Variants in DNAH17 observed in about 807,000 individuals in gnomAD.
DNAH17 encodes dynein axonemal heavy chain 17.
In DNAH17, 376 loss-of-function variants were observed where a neutral mutation model predicts 485.6. That is an observed-to-expected ratio of 0.77 (90% CI 0.71 to 0.84). DNAH17 has a LOEUF of 0.84. Ranked by LOEUF, DNAH17 falls within the 40% of genes least tolerant of loss-of-function variation. The pLI is 0.00. For missense variants in DNAH17, 6,370 were observed against 5,839.3 expected, an observed-to-expected ratio of 1.09 and a Z score of -2.96; for synonymous variants, 3,031 against 2,405.9, an observed-to-expected ratio of 1.26 and a Z score of -7.60.
At chr17:78,537,577 C>G in intron 18 of DNAH17, 96 bp from the exon 19 acceptor site, 1 of 1,320,500 alleles carries the variant, frequency 7.6e-7, no homozygotes, top group Non-Finnish European at 1.0e-6. Context: ...ATCAATGTGT[C>G]ACTGCCTTCC....
chr17:78,444,541 C>T (rs1001816947), intron 71 of DNAH17, 63 bp downstream of exon 71: 44 of 1,456,328 alleles, frequency 3.0e-5, no homozygotes, highest in Non-Finnish European at 3.8e-5. Flanking sequence ...CACAGCCGCT[C>T]GGTCAAGCTT....
At position 78,476,614 on chromosome 17, in the gene DNAH17, T is replaced by C. The variant is rs548947199; in HGVS notation, c.8112A>G (p.Thr2704=). 6 of 1,611,770 alleles carry C rather than the reference T, an allele frequency of 3.7e-6. No homozygotes were observed. The highest frequency in any genetic ancestry group is 1.3e-5 in the African/African-American group (1 of 75,032). The change falls in exon 52 of 81, where the codon ACA becomes ACG. Residue 2704 remains threonine, a synonymous_variant. Transcript: ENST00000389840. The stretch of plus-strand genomic sequence containing the variant: ...TGGAGGCCATGGTGACTCTATGCAA[T>C]GTTTCCTGGTCTTTTTCGTCAACCA... ...DKMVDEKDQE[T]LHRVTMASTK...
chr17:78,511,837 G>T (rs1019284565), intron 26 of DNAH17, among the ~76,000 whole-genome samples: 1 of 152,208 alleles, frequency 6.6e-6, no homozygotes, highest in Admixed American at 6.5e-5. Context: ...CACCGCCCAA[G>T]CGTCTCTCCC....
chr17:78,457,040 C>T (rs763652452), intron 62 of DNAH17, among the ~76,000 whole-genome samples: 3 of 152,210 alleles, frequency 2.0e-5, no homozygotes, highest in Non-Finnish European at 4.4e-5. Context: ...AACACTGGGA[C>T]CACGGCAGGT....
chr17:78,426,786 C>T, intron 78 of DNAH17, 140 bp downstream of exon 78: 1 of 1,292,926 alleles, frequency 7.7e-7, no homozygotes, highest in Non-Finnish European at 1.1e-6. Flanking sequence ...GGGGCTTGTT[C>T]TGGAACTGCC....
intron 17 of DNAH17, 59 bp downstream of exon 17, chr17:78,543,798 T>C (rs777258562): frequency 2.5e-6 from 4 of 1,611,448 alleles, no homozygotes; most frequent in African/African-American, 1.3e-5. Flanking sequence ...CTGGGTTTAC[T>C]CTCTCCTCCC....
At chr17:78,491,323 A>G in intron 43 of DNAH17, 120 bp downstream of exon 43, 1 of 1,404,486 alleles carries the variant, frequency 7.1e-7, no homozygotes, top group Non-Finnish European at 9.6e-7. Flanking sequence ...GGAGATCCAG[A>G]CACGCCACCT....
At chr17:78,425,620 G>A (rs754454064) in intron 79 of DNAH17, 49 bp from the exon 80 acceptor site, 11 of 1,508,040 alleles carry the variant, frequency 7.3e-6, no homozygotes, top group Admixed American at 2.0e-5. Context: ...GAATGACATG[G>A]GAACGACCGG....
rs1288770616 is a variant in DNAH17 at position 78,570,949 on chromosome 17, A to G, written c.917T>C (p.Met306Thr). The change falls in exon 6 of 81, where the codon ATG (methionine) becomes ACG (threonine). Residue 306 changes from methionine (M) to threonine (T), a missense_variant and splice_region_variant. Physicochemically the swap from Met to Thr is moderately conservative, Grantham distance 81 (BLOSUM62 -1). Transcript: ENST00000389840. The part of the protein sequence containing the change: ...LEEMEQADFT[M>T]LPTFIAKVLD... Reference sequence around the variant, plus strand: ...GCCGGCTCTCCCTTGCCTGCGCACCATCGTGAAGTCGGCTTGTTCCATCTC... The same window carrying G: ...GCCGGCTCTCCCTTGCCTGCGCACCGTCGTGAAGTCGGCTTGTTCCATCTC... 6.3e-7 allele frequency: 1 copy of G among 1,585,720 alleles called. No individual in the cohort carries two copies. Among genetic ancestry groups the G allele is most frequent in the Non-Finnish European group, 8.6e-7 (1 of 1,166,060 alleles).
In DNAH17 at chr17:78,455,945, C is replaced by T. The variant is rs1004060438; in HGVS notation, c.9978-109G>A. ...GAATCTTCAGAGTTTCCCGTCTGCA[C>T]CTGGCTCAGTGGCTCAATGATGAAA... is the stretch of plus-strand genomic sequence containing the variant. On this transcript the variant is annotated intron_variant, in intron 62 of 80. Coordinates refer to ENST00000389840, the MANE Select transcript of DNAH17 (RefSeq NM_173628.4). 1.6e-5 allele frequency: 15 copies of T among 942,922 alleles called. No individual in the cohort carries two copies. The African/African-American group carries it at 2.4e-4, about 15-fold the overall frequency. The allele number at this position is 942,922 out of a possible 1,614,324, so 58.4% of individuals were successfully genotyped here.
At position 78,439,712 on chromosome 17, in the gene DNAH17, C is replaced by T. The variant is rs186639214; in HGVS notation, c.11678-495G>A. 1.9e-4 allele frequency among the ~76,000 whole-genome samples: 29 copies of T among 149,362 alleles called. No individual in the cohort carries two copies. The East Asian group carries it at 5.3e-3, about 27-fold the overall frequency. On this transcript the variant is annotated intron_variant, in intron 72 of 80. Transcript: ENST00000389840. ...TGAGATGGAGTCTCACTCTGTCGCC[C>T]AGGCTGGAGTGCAGTGGTGCCATCT...
chr17:78,465,729 CCCGGCAGCCACCCCGTCCGG>C (rs1374733151), intron 56 of DNAH17, among the ~76,000 whole-genome samples: 36 of 149,586 alleles, frequency 2.4e-4, no homozygotes, highest in African/African-American at 8.9e-4. Flanking sequence ...AGCCTCTCCG[CCCGGCAGCCACCCCGTCCGG>C]GAGGGAGGTG....
At chr17:78,428,924 TAAAAAAA>T (rs11409298) in intron 76 of DNAH17, among the ~76,000 whole-genome samples, 190 bp downstream of exon 76, 1 of 103,318 alleles carries the variant, frequency 9.7e-6, no homozygotes, top group African/African-American at 3.8e-5. Flanking sequence ...TTTCTTTCTT[TAAAAAAA>T]AAAAAAAAAA....
In DNAH17 at chr17:78,486,123, T is replaced by C. The variant is rs757533805; in HGVS notation, c.7112A>G (p.Tyr2371Cys). The C allele has an allele frequency of 1.2e-6, 2 of 1,613,610 alleles. No individual in the cohort carries two copies. The highest frequency in any genetic ancestry group is 2.2e-5 in the South Asian group (2 of 91,008). The change falls in exon 46 of 81, where the codon TAT becomes TGT. Residue 2371 changes from tyrosine to cysteine, a missense_variant. Tyr to Cys is a radical substitution (Grantham distance 194, BLOSUM62 -2). Coordinates refer to ENST00000389840, the MANE Select transcript of DNAH17 (RefSeq NM_173628.4). ...CCACCATTTACTGAACTCCACTCGA[T>C]AATCCACAAGCTGTTGAGACACAGA... ...GAMFQDQLVDYRVEFSKWWIN... is the reference protein window; with the variant it reads ...GAMFQDQLVDCRVEFSKWWIN...
intron 20 of DNAH17, among the ~76,000 whole-genome samples, chr17:78,531,337 CTTTTTTTT>C (rs35874440): frequency 1.6e-5 from 2 of 122,370 alleles, no homozygotes; most frequent in African/African-American, 6.5e-5. Flanking sequence ...TAAAGTCTGT[CTTTTTTTT>C]TTTTTTTTTT....
chr17:78,492,965 C>G, intron 41 of DNAH17, 200 bp from the exon 42 acceptor site: 1 of 476,966 alleles, frequency 2.1e-6, no homozygotes, highest in Non-Finnish European at 3.5e-6. Context: ...ATTCTCTTGC[C>G]TTAGCTTCCC....
chr17:78,512,252 G>A (rs939923952), intron 26 of DNAH17, among the ~76,000 whole-genome samples: 2 of 152,178 alleles, frequency 1.3e-5, no homozygotes, highest in Non-Finnish European at 2.9e-5. Context: ...TTGGTCCTTG[G>A]GGTATGTTCT....
At chr17:78,513,558 C>T (rs1441017294) in intron 26 of DNAH17, among the ~76,000 whole-genome samples, 6 of 152,270 alleles carry the variant, frequency 3.9e-5, no homozygotes, top group South Asian at 4.1e-4. Context: ...GCCTCAGCCA[C>T]GCAAGTAGCT....
At chr17:78,477,474 G>A (rs1213512204) in intron 51 of DNAH17, among the ~76,000 whole-genome samples, 1 of 152,132 alleles carries the variant, frequency 6.6e-6, no homozygotes, top group Non-Finnish European at 1.5e-5. Flanking sequence ...TGCCTCCTGG[G>A]TTCAAGTGAT....
Sources: allele counts gnomAD v4.1 joint callset (sites outside exome capture counted in the v4.1 genomes callset), GRCh38; gene constraint gnomAD v4.1.1; transcripts MANE v1.5; gene names NCBI Gene and HGNC (gene_info 2026-07-23, HGNC 2026-07-21).